The following DACH2 variants were observed in gnomAD, a reference collection of about 807,000 sequenced individuals.
DACH2 encodes dachshund family transcription factor 2, also known as dachshund homolog 2.
In DACH2, 17 loss-of-function variants were observed where a neutral mutation model predicts 35.8. The observed-to-expected ratio is 0.48, with a 90% CI of 0.33 to 0.71. DACH2 has a LOEUF of 0.71. DACH2 is among the 30% of genes least tolerant of loss of function. The pLI is 0.02. For missense variants in DACH2, 469 were observed against 472.7 expected, an observed-to-expected ratio of 0.99 and a Z score of 0.07; for synonymous variants, 195 against 177.3, an observed-to-expected ratio of 1.10 and a Z score of -0.79.
chrX:86,435,004 T>G (rs926457624), intron 2 of DACH2, among the ~76,000 whole-genome samples: 1 of 111,020 alleles, frequency 9.0e-6, no homozygotes, highest in Non-Finnish European at 1.9e-5. Flanking sequence ...TCATGAGGGA[T>G]GTTCTTACAA....
rs1017897068 is a variant in DACH2 at position 86,699,138 on chromosome X, A to G, written c.931+3959A>G. Among the ~76,000 whole-genome samples, 3 of 111,967 alleles carry G rather than the reference A, an allele frequency of 2.7e-5. 1 individual carries two copies. Among genetic ancestry groups the G allele is most frequent in the South Asian group, 7.5e-4 (2 of 2,678 alleles). On this transcript the variant is annotated intron_variant, in intron 5 of 11. Transcript: ENST00000373125. ...CATAGTGAGCGTCTTCAACACTCCA[A>G]TGACAGAACTAGACAGAGCATCAAA... is the stretch of plus-strand genomic sequence containing the variant.
chrX:86,324,866 G>T (rs1161081762), intron 1 of DACH2, among the ~76,000 whole-genome samples: 1 of 110,376 alleles, frequency 9.1e-6, no homozygotes, highest in Non-Finnish European at 1.9e-5. Context: ...CAAGCCTTCA[G>T]CAGATCCCAC....
chrX:86,243,788 GTTTAA>G (rs901813749), intron 1 of DACH2, among the ~76,000 whole-genome samples: 9 of 111,865 alleles, frequency 8.0e-5, no homozygotes, highest in Admixed American at 6.7e-4. Flanking sequence ...TGTTTGTGAA[GTTTAA>G]TTTATTATAG....
At chrX:86,233,779 C>A (rs112423007) in intron 1 of DACH2, among the ~76,000 whole-genome samples, 1 of 111,061 alleles carries the variant, frequency 9.0e-6, no homozygotes, top group South Asian at 3.8e-4. Flanking sequence ...GCACTTCTTA[C>A]ATGGTGGCAA....
At chrX:86,308,439 A>T (rs2034733718) in intron 1 of DACH2, among the ~76,000 whole-genome samples, 1 of 112,383 alleles carries the variant, frequency 8.9e-6, no homozygotes, top group South Asian at 3.7e-4. Context: ...TAATCACAGT[A>T]TTCCTAGAAG....
chrX:86,707,074 A>G (rs2041224237), intron 5 of DACH2, among the ~76,000 whole-genome samples: 2 of 110,970 alleles, frequency 1.8e-5, no homozygotes, highest in Admixed American at 1.9e-4. Context: ...GACAAGACAA[A>G]TGAAATTCAT....
intron 3 of DACH2, among the ~76,000 whole-genome samples, chrX:86,576,098 C>T (rs770604977): frequency 1.8e-5 from 2 of 111,368 alleles, no homozygotes; most frequent in Non-Finnish European, 3.8e-5. Context: ...CTTTTTTGGT[C>T]CAAGCACTAT....
intron 1 of DACH2, among the ~76,000 whole-genome samples, chrX:86,376,578 A>T (rs769090015): frequency 4.5e-5 from 5 of 110,805 alleles, no homozygotes; most frequent in Admixed American, 1.9e-4. Flanking sequence ...GTCAATGGGG[A>T]TTATACTATA....
intron 2 of DACH2, among the ~76,000 whole-genome samples, chrX:86,400,310 T>G (rs1316031371): frequency 9.0e-6 from 1 of 110,991 alleles, no homozygotes; most frequent in African/African-American, 3.3e-5. Flanking sequence ...TTTTTAACTT[T>G]TTTGCGATTG....
At chrX:86,698,514 GTTTTGTGTTT>G (rs2041094494) in intron 5 of DACH2, among the ~76,000 whole-genome samples, 1 of 34,343 alleles carries the variant, frequency 2.9e-5, no homozygotes, top group Non-Finnish European at 4.9e-5. Context: ...TGTTTTGTTA[GTTTTGTGTTT>G]TTTTTTTTTT....
At chrX:86,478,542 C>CTTTT (rs767463672) in intron 2 of DACH2, among the ~76,000 whole-genome samples, 5 of 86,943 alleles carry the variant, frequency 5.8e-5, no homozygotes, top group African/African-American at 8.4e-5. Flanking sequence ...TTTTGTTTTT[C>CTTTT]TTTTTTTTTT....
chrX:86,213,880 T>G (rs2032506958), intron 1 of DACH2, among the ~76,000 whole-genome samples: 1 of 111,231 alleles, frequency 9.0e-6, no homozygotes, highest in Non-Finnish European at 1.9e-5. Flanking sequence ...TTCATAATTG[T>G]TCATATTAAT....
At chrX:86,459,015 T>C (rs1408068159) in intron 2 of DACH2, among the ~76,000 whole-genome samples, 2 of 111,500 alleles carry the variant, frequency 1.8e-5, no homozygotes, top group Non-Finnish European at 3.8e-5. Context: ...ACTTAAAGTA[T>C]AATAAAAAAC....
intron 1 of DACH2, among the ~76,000 whole-genome samples, chrX:86,362,365 C>A (rs1054121957): frequency 1.2e-4 from 13 of 110,889 alleles, no homozygotes; most frequent in African/African-American, 4.2e-4. Flanking sequence ...CAAAACTGAG[C>A]TGACGGAAAA....
Position 86,411,036 on chromosome X carries a change from A to ATATATATATATATATATATATATATATG in DACH2, c.527+34177_527+34178insATATATATATATATATATATATATGTAT, listed in dbSNP as rs768655432. Among the ~76,000 whole-genome samples, 684 of 79,751 alleles carry ATATATATATATATATATATATATATATG rather than the reference A, an allele frequency of 8.6e-3. 17 individuals are homozygous for ATATATATATATATATATATATATATATG. Among genetic ancestry groups the ATATATATATATATATATATATATATATG allele is most frequent in the Non-Finnish European group, 0.014 (554 of 40,221 alleles). The allele number at this position is 79,751 out of a possible 115,157, so 69.3% of individuals were successfully genotyped here. A position where few individuals can be genotyped will look rare whatever the true frequency, so the allele number is the denominator to read the frequency against. On this transcript the variant is annotated intron_variant, in intron 2 of 11. Transcript: ENST00000373125. ...CTAATATGATTATATATATATATATATATGTATATATGTAAAGGGGAGTTT... is the reference window on the plus strand; with the variant it reads ...CTAATATGATTATATATATATATATATATATATATATATATATATATATATATGTATGTATATATGTAAAGGGGAGTTT...
intron 3 of DACH2, among the ~76,000 whole-genome samples, chrX:86,572,002 C>A (rs752453031): frequency 9.0e-6 from 1 of 110,728 alleles, no homozygotes; most frequent in East Asian, 2.8e-4. Flanking sequence ...CTTGTTGATG[C>A]CTTTGTAAAT....
intron 1 of DACH2, among the ~76,000 whole-genome samples, chrX:86,229,758 A>T (rs2032909092): frequency 9.8e-6 from 1 of 102,440 alleles, no homozygotes; most frequent in Admixed American, 1.1e-4. Flanking sequence ...TATTGATTTG[A>T]TTTTCTGCTT....
chrX:86,432,152 A>G (rs923512709), intron 2 of DACH2, among the ~76,000 whole-genome samples: 5 of 112,370 alleles, frequency 4.4e-5, no homozygotes, highest in African/African-American at 1.6e-4. Context: ...AGATAAATCT[A>G]CAAAGTCCCC....
At chrX:86,681,777 G>T (rs1339114931) in intron 4 of DACH2, among the ~76,000 whole-genome samples, 1 of 109,075 alleles carries the variant, frequency 9.2e-6, no homozygotes, top group Non-Finnish European at 1.9e-5. Flanking sequence ...CATTAAAGAA[G>T]TGTTATTAAT....
Sources: gnomAD v4.1 joint callset for allele counts (sites outside exome capture counted in the v4.1 genomes callset) on GRCh38, gnomAD v4.1.1 for gene constraint, MANE v1.5 for transcripts, NCBI Gene and HGNC (gene_info 2026-07-23, HGNC 2026-07-21) for gene names.